WWOX: variants seen among roughly 807,000 people sequenced by gnomAD.
WWOX encodes WW domain-containing oxidoreductase.
A neutral mutation model predicts 46.2 loss-of-function variants in WWOX; 69 were observed. That is an observed-to-expected ratio of 1.49 (90% CI 1.23 to 1.82). The LOEUF (loss-of-function observed/expected upper bound fraction) is 1.82. Among genes scored for constraint, WWOX ranks in the 40% most tolerant of loss-of-function variants. WWOX has a pLI of 0.00. For synonymous variants in WWOX, 359 were observed against 202.6 expected (o/e 1.77, Z -6.56); for missense variants, 919 against 542.6 (o/e 1.69, Z -6.89).
At chr16:79,068,789 C>G (rs2048490521) in intron 8 of WWOX, among the ~76,000 whole-genome samples, 1 of 150,068 alleles carries the variant, frequency 6.7e-6, no homozygotes, top group African/African-American at 2.5e-5. Context: ...GCAGCCTGAG[C>G]TATAGAGCCA....
intron 5 of WWOX, among the ~76,000 whole-genome samples, chr16:78,369,275 C>T (rs1309225333): frequency 6.6e-6 from 1 of 151,960 alleles, no homozygotes; most frequent in African/African-American, 2.4e-5. Context: ...AAGAATATTG[C>T]AGTGAAAACA....
At chr16:79,075,442 A>C (rs1368092399) in intron 8 of WWOX, among the ~76,000 whole-genome samples, 2 of 152,180 alleles carry the variant, frequency 1.3e-5, no homozygotes, top group Non-Finnish European at 2.9e-5. Context: ...TTTTATTTAC[A>C]ATATAGTTGT....
At chr16:78,217,406 A>T (rs564218957) in intron 5 of WWOX, among the ~76,000 whole-genome samples, 56 of 152,286 alleles carry the variant, frequency 3.7e-4, no homozygotes, top group African/African-American at 1.3e-3. Context: ...TAAAGTAGAA[A>T]TAGCCTTTGT....
intron 8 of WWOX, among the ~76,000 whole-genome samples, chr16:78,730,195 A>G (rs762370689): frequency 2.0e-5 from 3 of 152,140 alleles, no homozygotes; most frequent in African/African-American, 7.2e-5. Flanking sequence ...AGCTCTGGTT[A>G]CATATGGTCA....
intron 3 of WWOX, 83 bp from the exon 4 acceptor site, chr16:78,114,893 G>A: frequency 6.3e-7 from 1 of 1,580,506 alleles, no homozygotes; most frequent in Non-Finnish European, 8.7e-7. Context: ...GAAAAATGGG[G>A]TTTTCCTAAA....
intron 8 of WWOX, among the ~76,000 whole-genome samples, chr16:78,654,701 A>G (rs1359989643): frequency 6.6e-6 from 1 of 152,056 alleles, no homozygotes; most frequent in Admixed American, 6.6e-5. Flanking sequence ...ATCCAGTATG[A>G]AACCTAAAAA....
At chr16:79,132,922 G>C (rs914506566) in intron 8 of WWOX, among the ~76,000 whole-genome samples, 1 of 152,154 alleles carries the variant, frequency 6.6e-6, no homozygotes, top group African/African-American at 2.4e-5. Context: ...TTAGTGGTGG[G>C]GCTTCTTGGC....
intron 8 of WWOX, among the ~76,000 whole-genome samples, chr16:79,085,611 A>AG (rs2048840186): frequency 6.6e-6 from 1 of 152,252 alleles, no homozygotes. Flanking sequence ...TGGTCCACAT[A>AG]GAAAAACCTG....
chr16:78,570,935 TG>T (rs2044701180), intron 8 of WWOX, among the ~76,000 whole-genome samples: 1 of 152,076 alleles, frequency 6.6e-6, no homozygotes, highest in African/African-American at 2.4e-5. Flanking sequence ...AAAAGTGTTT[TG>T]GGTAGAAGGA....
chr16:78,946,430 A>G (rs1481238454), intron 8 of WWOX, among the ~76,000 whole-genome samples: 2 of 152,112 alleles, frequency 1.3e-5, no homozygotes, highest in African/African-American at 2.4e-5. Flanking sequence ...ACCTGAGTTG[A>G]TCTGCTCACG....
At chr16:79,171,196 A>G (rs189564284) in intron 8 of WWOX, among the ~76,000 whole-genome samples, 1 of 152,230 alleles carries the variant, frequency 6.6e-6, no homozygotes, top group Non-Finnish European at 1.5e-5. Flanking sequence ...GATAATTACA[A>G]CATAGGGACA....
chr16:78,632,654 A>C (rs2046462517), intron 8 of WWOX, among the ~76,000 whole-genome samples: 1 of 141,972 alleles, frequency 7.0e-6, no homozygotes, highest in Non-Finnish European at 1.5e-5. Flanking sequence ...TGCCTCCCAT[A>C]TTCAAGGGAT....
intron 8 of WWOX, among the ~76,000 whole-genome samples, chr16:78,800,026 C>T (rs1397932164): frequency 6.6e-6 from 1 of 152,078 alleles, no homozygotes; most frequent in Non-Finnish European, 1.5e-5. Flanking sequence ...TTAAAATGGG[C>T]AGAAGGGAAG....
chr16:78,316,260 C>G (rs189882145), intron 5 of WWOX, among the ~76,000 whole-genome samples: 1 of 152,256 alleles, frequency 6.6e-6, no homozygotes, highest in East Asian at 1.9e-4. Flanking sequence ...GGCACTGCAG[C>G]AAACAGCATC....
At chr16:78,362,954 A>G (rs975044846) in intron 5 of WWOX, among the ~76,000 whole-genome samples, 1 of 152,126 alleles carries the variant, frequency 6.6e-6, no homozygotes, top group Non-Finnish European at 1.5e-5. Context: ...TGTCCAGAGG[A>G]AGGCCTCTGA....
intron 8 of WWOX, among the ~76,000 whole-genome samples, chr16:79,077,074 G>A (rs2048671350): frequency 6.6e-6 from 1 of 152,106 alleles, no homozygotes; most frequent in Non-Finnish European, 1.5e-5. Flanking sequence ...AATTTGTCCA[G>A]GTCTCATAGC....
At chr16:79,032,259 A>G (rs1485256814) in intron 8 of WWOX, among the ~76,000 whole-genome samples, 3 of 146,300 alleles carry the variant, frequency 2.1e-5, no homozygotes, top group East Asian at 1.9e-4. Context: ...TATATATTAC[A>G]TATACATAAT....
At chr16:78,481,793 TG>T (rs2084498596) in intron 8 of WWOX, among the ~76,000 whole-genome samples, 1 of 148,224 alleles carries the variant, frequency 6.7e-6, no homozygotes, top group African/African-American at 2.6e-5. Flanking sequence ...ACTGTGGATG[TG>T]ATAAGAGCTG....
At chr16:78,328,900 C>T (rs948205125) in intron 5 of WWOX, among the ~76,000 whole-genome samples, 3 of 151,906 alleles carry the variant, frequency 2.0e-5, no homozygotes, top group African/African-American at 7.3e-5. Context: ...CTTGCTCTGT[C>T]TTCCAGGCTG....
Sources: gnomAD v4.1 joint callset for allele counts (sites outside exome capture counted in the v4.1 genomes callset) on GRCh38, gnomAD v4.1.1 for gene constraint, MANE v1.5 for transcripts, NCBI Gene and HGNC (gene_info 2026-07-23, HGNC 2026-07-21) for gene names.